DCBLD2: variants seen among roughly 807,000 people sequenced by gnomAD.
DCBLD2 encodes discoidin, CUB and LCCL domain containing 2, also known as discoidin, CUB and LCCL domain-containing protein 2.
A neutral mutation model predicts 86.8 loss-of-function variants in DCBLD2; 54 were observed. The ratio of observed to expected loss-of-function variants is 0.62; its 90% CI spans 0.50 to 0.78. The LOEUF is 0.78. Among genes scored for constraint, DCBLD2 ranks in the 30% least tolerant of loss-of-function variants. DCBLD2 has a pLI of 0.00. For missense variants in DCBLD2, 908 were observed against 954.2 expected, an observed-to-expected ratio of 0.95 and a Z score of 0.64; for synonymous variants, 354 against 341.3, an observed-to-expected ratio of 1.04 and a Z score of -0.41.
Position 98,901,159 on chromosome 3 carries a change from G to A in DCBLD2, c.168C>T (p.Val56=). The change falls in exon 1 of 16, where the codon GTC becomes GTT. Residue 56 remains valine (V), a synonymous_variant. Transcript: ENST00000326840. ...CAGCGTCCTCGAGCAGCAGGAGCAGGACAAGTAAGAGCAGGAGGAACAGAG... is the reference window on the plus strand; with the variant it reads ...CAGCGTCCTCGAGCAGCAGGAGCAGAACAAGTAAGAGCAGGAGGAACAGAG... ...SMPLFLLLLL[V]LLLLLEDAGA... is the part of the protein sequence containing the mutation. 2 of 1,538,618 alleles carry A rather than the reference G, an allele frequency of 1.3e-6. No individual in the cohort carries two copies. Among genetic ancestry groups the A allele is most frequent in the Admixed American group, 2.0e-5 (1 of 51,008 alleles).
At chr3:98,866,482 G>A (rs1360276234) in intron 2 of DCBLD2, among the ~76,000 whole-genome samples, 6 of 152,172 alleles carry the variant, frequency 3.9e-5, no homozygotes, top group African/African-American at 1.2e-4. Context: ...ATTTTTTCAT[G>A]TGTCTTTTGG....
At chr3:98,839,114 TTTC>T (rs1391635102) in intron 3 of DCBLD2, among the ~76,000 whole-genome samples, 2 of 104,590 alleles carry the variant, frequency 1.9e-5, no homozygotes, top group South Asian at 7.7e-4. Flanking sequence ...TCTTTCTTTC[TTTC>T]TTTTTCTTTC....
chr3:98,865,431 CAG>C (rs1343262213), intron 2 of DCBLD2, among the ~76,000 whole-genome samples: 4 of 152,144 alleles, frequency 2.6e-5, no homozygotes, highest in South Asian at 2.1e-4. Flanking sequence ...CTCACAGAAG[CAG>C]AGAGTAGAAC....
intron 3 of DCBLD2, among the ~76,000 whole-genome samples, chr3:98,841,213 A>C (rs1942613487): frequency 6.6e-6 from 1 of 152,230 alleles, no homozygotes; most frequent in Non-Finnish European, 1.5e-5. Context: ...GAGAAAGAGC[A>C]GGAGAGAATA....
At chr3:98,859,823 C>T (rs1315702714) in intron 2 of DCBLD2, among the ~76,000 whole-genome samples, 6 of 152,192 alleles carry the variant, frequency 3.9e-5, no homozygotes, top group African/African-American at 1.4e-4. Flanking sequence ...GCACCTCTCC[C>T]CCCACAAAGG....
At chr3:98,847,840 CATCATGGT>C (rs72303794) in intron 3 of DCBLD2, among the ~76,000 whole-genome samples, 10,505 of 152,220 alleles carry the variant, frequency 0.069, 441 homozygotes, top group African/African-American at 0.096. Context: ...TAAACTTTCT[CATCATGGT>C]ACCCCTATAT....
intron 3 of DCBLD2, among the ~76,000 whole-genome samples, chr3:98,845,899 C>T (rs1005491346): frequency 1.3e-5 from 2 of 152,220 alleles, no homozygotes; most frequent in East Asian, 1.9e-4. Flanking sequence ...AAAGTGACTT[C>T]CTCAGGAAAA....
rs1160140268 is a variant in DCBLD2, at chr3:98,901,163, A to G, written c.164T>C (p.Leu55Pro). 6.5e-7 allele frequency: 1 copy of G among 1,538,594 alleles called. No individual in the cohort carries two copies. Residue 55 changes from leucine to proline, a missense_variant, in exon 1 of 16, where the codon CTT (leucine) becomes CCT (proline). Physicochemically the swap from Leu to Pro is moderately conservative, Grantham distance 98 (BLOSUM62 -3). Coordinates refer to ENST00000326840, the MANE Select transcript of DCBLD2 (RefSeq NM_080927.4). The stretch of plus-strand genomic sequence containing the variant: ...GTCCTCGAGCAGCAGGAGCAGGACA[A>G]GTAAGAGCAGGAGGAACAGAGGCAT... ...FSMPLFLLLL[L>P]VLLLLLEDAG...
intron 9 of DCBLD2, chr3:98,816,234 G>GA (rs1942021153): frequency 1.0e-5 from 1 of 97,562 alleles, no homozygotes; most frequent in Non-Finnish European, 2.2e-5. Flanking sequence ...TTATTGAAAG[G>GA]AAAAACCAAA....
At chr3:98,832,503 G>A (rs1942341090) in intron 3 of DCBLD2, among the ~76,000 whole-genome samples, 1 of 152,118 alleles carries the variant, frequency 6.6e-6, no homozygotes, top group African/African-American at 2.4e-5. Context: ...TATTATGCTG[G>A]CTTGTTTGTG....
chr3:98,858,864 T>G (rs999303432), intron 2 of DCBLD2, among the ~76,000 whole-genome samples: 4 of 152,196 alleles, frequency 2.6e-5, no homozygotes, highest in African/African-American at 9.7e-5. Flanking sequence ...CTCCAGTCTA[T>G]AGCTCCCAGT....
At chr3:98,899,222 T>C (rs543403020) in intron 1 of DCBLD2, among the ~76,000 whole-genome samples, 24 of 151,838 alleles carry the variant, frequency 1.6e-4, no homozygotes, top group African/African-American at 4.8e-4. Flanking sequence ...AAAAATGAAG[T>C]AATGTTGCTT....
At chr3:98,807,760 T>C (rs1941866185) in intron 13 of DCBLD2, 1 of 164,002 alleles carries the variant, frequency 6.1e-6, no homozygotes, top group Non-Finnish European at 1.3e-5. Context: ...TCCTTGTTAG[T>C]CAACCCTGCT....
chr3:98,814,254 T>C (rs1473754523), intron 9 of DCBLD2: 1 of 152,226 alleles, frequency 6.6e-6, no homozygotes, highest in African/African-American at 2.4e-5. Context: ...GCTCCCGTGA[T>C]TTCCTCAGAT....
chr3:98,823,610 T>G (rs565878889), intron 4 of DCBLD2, among the ~76,000 whole-genome samples: 1 of 143,814 alleles, frequency 7.0e-6, no homozygotes, highest in African/African-American at 2.6e-5. Flanking sequence ...AAACCAATAC[T>G]TACACAAATA....
At chr3:98,849,402 T>C (rs1024027125) in intron 3 of DCBLD2, 59 bp downstream of exon 3, 28 of 1,607,696 alleles carry the variant, frequency 1.7e-5, no homozygotes, top group Non-Finnish European at 2.1e-5. Context: ...AAAAAAGCAT[T>C]TTATTTTTGT....
intron 3 of DCBLD2, among the ~76,000 whole-genome samples, chr3:98,833,307 G>C (rs1027186601): frequency 3.3e-5 from 5 of 152,048 alleles, no homozygotes; most frequent in Non-Finnish European, 7.4e-5. Flanking sequence ...TTTTGCACTG[G>C]CTATTTTATC....
intron 9 of DCBLD2, 31 bp downstream of exon 9, chr3:98,817,738 T>C: frequency 2.5e-6 from 4 of 1,609,120 alleles, no homozygotes; most frequent in Non-Finnish European, 3.4e-6. Flanking sequence ...TTAAAAAATG[T>C]TTTTTAAAAA....
At chr3:98,832,619 A>C (rs1025250857) in intron 3 of DCBLD2, among the ~76,000 whole-genome samples, 3 of 152,146 alleles carry the variant, frequency 2.0e-5, no homozygotes, top group Admixed American at 6.5e-5. Flanking sequence ...AGATGTCTTG[A>C]AAGGTGGGTC....
Sources: allele counts gnomAD v4.1 joint callset (sites outside exome capture counted in the v4.1 genomes callset), GRCh38; gene constraint gnomAD v4.1.1; transcripts MANE v1.5; gene names NCBI Gene and HGNC (gene_info 2026-07-23, HGNC 2026-07-21).